HMBOX1: variants seen among roughly 807,000 people sequenced by gnomAD.
The protein encoded by HMBOX1 is homeobox containing 1, also known as homeobox-containing protein 1.
HMBOX1 carries 14 observed loss-of-function variants against 54.5 expected under a neutral mutation model. The observed-to-expected ratio is 0.26, with a 90% CI of 0.17 to 0.40. The LOEUF is 0.40. HMBOX1 is among the 10% of genes least tolerant of loss of function. HMBOX1 has a pLI of 1.00. For synonymous variants in HMBOX1, 160 were observed against 181.0 expected (o/e 0.88, Z 0.93); for missense variants, 332 against 514.4 (o/e 0.65, Z 3.43).
chr8:28,984,901 G>T (rs917713994), intron 4 of HMBOX1, among the ~76,000 whole-genome samples: 2 of 151,342 alleles, frequency 1.3e-5, no homozygotes, highest in African/African-American at 2.4e-5. Context: ...GTCCTCTGAA[G>T]AAATAAATAC....
Position 29,041,310 on chromosome 8 carries a change from G to A in HMBOX1, c.852-4051G>A, listed in dbSNP as rs144828876. Among the ~76,000 whole-genome samples the A allele has an allele frequency of 2.8e-3, 426 of 152,154 alleles. 4 individuals are homozygous for A. Among genetic ancestry groups the A allele is most frequent in the Middle Eastern group, 0.01 (3 of 294 alleles). On this transcript the variant is annotated intron_variant, in intron 6 of 9. Transcript: ENST00000287701. ...ATAGTCATTGCTAACCCCTTAGTAC[G>A]TATCCTTCAAGATCCGTTTTGCAAT...
intron 3 of HMBOX1, among the ~76,000 whole-genome samples, chr8:28,977,723 G>A (rs1407689098): frequency 6.6e-6 from 1 of 151,890 alleles, no homozygotes; most frequent in Non-Finnish European, 1.5e-5. Flanking sequence ...GGTGGATCAC[G>A]AGGTCAGGAG....
intron 1 of HMBOX1, among the ~76,000 whole-genome samples, chr8:28,934,926 CAA>C (rs71551611): frequency 7.2e-5 from 8 of 110,768 alleles, no homozygotes; most frequent in Middle Eastern, 4.6e-3. Context: ...GACTCCGTCT[CAA>C]AAAAAAAAAA....
intron 1 of HMBOX1, among the ~76,000 whole-genome samples, chr8:28,930,691 C>T (rs1328871440): frequency 2.0e-5 from 3 of 152,108 alleles, no homozygotes; most frequent in African/African-American, 4.8e-5. Flanking sequence ...ATAGCAATTC[C>T]ACTTCCCTGG....
chr8:28,950,212 CA>C (rs1823167356), intron 1 of HMBOX1, among the ~76,000 whole-genome samples: 2 of 152,094 alleles, frequency 1.3e-5, no homozygotes, highest in African/African-American at 4.8e-5. Flanking sequence ...ACATAGTTTC[CA>C]AGTGGAATTA....
chr8:29,009,224 C>T (rs1458315598), intron 5 of HMBOX1, 42 bp downstream of exon 5: 2 of 1,459,640 alleles, frequency 1.4e-6, no homozygotes, highest in African/African-American at 2.8e-5. Context: ...TGAAACAAGA[C>T]AGATATAATG....
At chr8:28,973,144 T>C (rs1259146865) in intron 3 of HMBOX1, among the ~76,000 whole-genome samples, 1 of 152,180 alleles carries the variant, frequency 6.6e-6, no homozygotes, top group Non-Finnish European at 1.5e-5. Flanking sequence ...AGGTTGTAGA[T>C]AATAACAATC....
At chr8:28,925,347 C>T (rs1818264075) in intron 1 of HMBOX1, among the ~76,000 whole-genome samples, 1 of 152,134 alleles carries the variant, frequency 6.6e-6, no homozygotes, top group Non-Finnish European at 1.5e-5. Flanking sequence ...AGCCTGGTTG[C>T]AGAGAAAACT....
Position 28,969,463 on chromosome 8 carries a change from A to G in HMBOX1, c.24-580A>G, listed in dbSNP as rs952839436. Among the ~76,000 whole-genome samples the G allele has an allele frequency of 2.0e-5, 3 of 146,772 alleles. 1 individual carries two copies. The highest frequency in any genetic ancestry group is 4.5e-5 in the Non-Finnish European group (3 of 66,162). On this transcript the variant is annotated intron_variant, in intron 2 of 9. Transcript: ENST00000287701. ...CTAAGTAGTGAATGAAATGGTGCTT[A>G]TTTTTTTTTTTAATGTACCTCTGTT...
intron 1 of HMBOX1, among the ~76,000 whole-genome samples, chr8:28,924,313 G>A (rs1258311506): frequency 6.6e-6 from 1 of 151,884 alleles, no homozygotes; most frequent in Non-Finnish European, 1.5e-5. Flanking sequence ...GTTTCACCAT[G>A]TTAGCCAGGA....
chr8:29,051,274 C>T lies in HMBOX1; in HGVS notation c.*119C>T. The T allele has an allele frequency of 9.3e-7, 1 of 1,078,074 alleles. No individual in the cohort carries two copies. Among genetic ancestry groups the T allele is most frequent in the Non-Finnish European group, 1.4e-6 (1 of 739,958 alleles). The allele number at this position is 1,078,074 out of a possible 1,614,324, so 66.8% of individuals were successfully genotyped here. On this transcript the variant is annotated 3_prime_UTR_variant, in exon 10 of 10. Coordinates refer to ENST00000287701, the MANE Select transcript of HMBOX1 (RefSeq NM_001135726.3). ...TTGCAGTTTCTTGTATGTCAGGTAG[C>T]TGTTAGGGTCTTGTTCTGTGAAGAT...
At chr8:28,931,033 G>T (rs1349332516) in intron 1 of HMBOX1, among the ~76,000 whole-genome samples, 1 of 152,122 alleles carries the variant, frequency 6.6e-6, no homozygotes, top group Non-Finnish European at 1.5e-5. Context: ...GGAATGATTT[G>T]TCTGCCCTTT....
chr8:28,963,518 A>G (rs192179300), intron 1 of HMBOX1, among the ~76,000 whole-genome samples: 4 of 152,322 alleles, frequency 2.6e-5, no homozygotes, highest in Admixed American at 2.6e-4. Flanking sequence ...TCTTAGAGTT[A>G]ATGGAAATCA....
intron 1 of HMBOX1, among the ~76,000 whole-genome samples, chr8:28,898,038 A>G (rs1422788930): frequency 6.6e-6 from 1 of 152,240 alleles, no homozygotes; most frequent in Non-Finnish European, 1.5e-5. Context: ...TTAATCAGCC[A>G]TATGATTATA....
chr8:28,945,930 C>CCATAGGG (rs1328952056), intron 1 of HMBOX1, among the ~76,000 whole-genome samples: 1 of 151,094 alleles, frequency 6.6e-6, no homozygotes, highest in Non-Finnish European at 1.5e-5. Context: ...ATCATCAAAT[C>CCATAGGG]CATAGGGCAT....
intron 1 of HMBOX1, among the ~76,000 whole-genome samples, chr8:28,898,787 T>C (rs1180299762): frequency 6.6e-6 from 1 of 152,244 alleles, no homozygotes; most frequent in Non-Finnish European, 1.5e-5. Context: ...AGTGTGTTTC[T>C]TTTAGTTCAG....
At chr8:29,010,239 C>G in intron 5 of HMBOX1, 5 of 614,986 alleles carry the variant, frequency 8.1e-6, no homozygotes, top group East Asian at 1.4e-4. Flanking sequence ...CAGTAGACAC[C>G]TGTTTACTCT....
At chr8:28,911,460 A>G (rs1244310313) in intron 1 of HMBOX1, among the ~76,000 whole-genome samples, 1 of 152,150 alleles carries the variant, frequency 6.6e-6, no homozygotes, top group Admixed American at 6.5e-5. Flanking sequence ...GGTTCAAGCG[A>G]TTCTCCTGCC....
chr8:29,043,267 C>T (rs1339739228), intron 6 of HMBOX1, among the ~76,000 whole-genome samples: 1 of 152,036 alleles, frequency 6.6e-6, no homozygotes, highest in Non-Finnish European at 1.5e-5. Flanking sequence ...TGCCTTTGCA[C>T]ATGCTGTTCC....
Sources: allele counts gnomAD v4.1 joint callset (sites outside exome capture counted in the v4.1 genomes callset), GRCh38; gene constraint gnomAD v4.1.1; transcripts MANE v1.5; gene names NCBI Gene and HGNC (gene_info 2026-07-23, HGNC 2026-07-21).